Variants in SLC9A9 observed in about 807,000 individuals in gnomAD.
SLC9A9 encodes sodium/hydrogen exchanger 9.
A neutral mutation model predicts 77.8 loss-of-function variants in SLC9A9; 62 were observed. The ratio of observed to expected loss-of-function variants is 0.80; its 90% CI spans 0.65 to 0.98. The LOEUF (loss-of-function observed/expected upper bound fraction) is 0.98, where lower values mean the gene tolerates loss of function less well. Among genes scored for constraint, SLC9A9 ranks in the 50% least tolerant of loss-of-function variants. The pLI is 0.00. For missense variants in SLC9A9, 775 were observed against 774.9 expected, an observed-to-expected ratio of 1.00 and a Z score of 0.00; for synonymous variants, 320 against 283.5, an observed-to-expected ratio of 1.13 and a Z score of -1.29.
intron 12 of SLC9A9, among the ~76,000 whole-genome samples, chr3:143,390,479 G>T (rs1290520215): frequency 2.0e-5 from 3 of 152,202 alleles, no homozygotes; most frequent in African/African-American, 7.2e-5. Context: ...ATTGTTCCAA[G>T]ATGGCCAAAT....
At chr3:143,611,692 CA>C (rs2038024698) in intron 6 of SLC9A9, among the ~76,000 whole-genome samples, 1 of 151,960 alleles carries the variant, frequency 6.6e-6, no homozygotes, top group Non-Finnish European at 1.5e-5. Flanking sequence ...GTCAAGAAAT[CA>C]AGTATAATAA....
At chr3:143,567,015 T>A (rs770421718) in intron 8 of SLC9A9, among the ~76,000 whole-genome samples, 1 of 152,154 alleles carries the variant, frequency 6.6e-6, no homozygotes, top group Admixed American at 6.6e-5. Context: ...GTATTTTCAA[T>A]ATTCATTTAA....
At chr3:143,285,530 CTT>C (rs1343185463) in intron 14 of SLC9A9, among the ~76,000 whole-genome samples, 1 of 152,226 alleles carries the variant, frequency 6.6e-6, no homozygotes, top group Non-Finnish European at 1.5e-5. Flanking sequence ...CATGCCCCCT[CTT>C]TAACTCTGGA....
chr3:143,273,729 G>A (rs866513540), intron 14 of SLC9A9, among the ~76,000 whole-genome samples: 7 of 152,108 alleles, frequency 4.6e-5, no homozygotes, highest in Non-Finnish European at 7.4e-5. Context: ...CATCTAGAAC[G>A]TTTGTTAAAA....
intron 14 of SLC9A9, among the ~76,000 whole-genome samples, chr3:143,286,235 G>T (rs1217444573): frequency 6.6e-6 from 1 of 152,134 alleles, no homozygotes; most frequent in Non-Finnish European, 1.5e-5. Context: ...TTCGAAGGAG[G>T]GTATATGTGT....
At chr3:143,455,758 C>T (rs565094453) in intron 12 of SLC9A9, among the ~76,000 whole-genome samples, 1 of 151,150 alleles carries the variant, frequency 6.6e-6, no homozygotes, top group Non-Finnish European at 1.5e-5. Flanking sequence ...TGAGTACTGA[C>T]CATGTATCCT....
chr3:143,809,134 G>A lies in SLC9A9; in HGVS notation c.379-12231C>T, dbSNP rs114155037. On this transcript the variant is annotated intron_variant, in intron 2 of 15. Coordinates refer to ENST00000316549, the MANE Select transcript of SLC9A9 (RefSeq NM_173653.4). Reference sequence around the variant, plus strand: ...TAGAGATGTATTTCTGAATGCTTGAGGGATGAAGCAGTGCAGCTGTGATCA... The same window carrying A: ...TAGAGATGTATTTCTGAATGCTTGAAGGATGAAGCAGTGCAGCTGTGATCA... Among the ~76,000 whole-genome samples the A allele has an allele frequency of 9.1e-3, 1,388 of 152,252 alleles. 20 individuals carry two copies. The highest frequency in any genetic ancestry group is 0.031 in the African/African-American group (1,303 of 41,526).
At chr3:143,577,752 C>T (rs1319757884) in intron 7 of SLC9A9, among the ~76,000 whole-genome samples, 1 of 152,232 alleles carries the variant, frequency 6.6e-6, no homozygotes, top group African/African-American at 2.4e-5. Flanking sequence ...TTTGCCTTCT[C>T]TTTGCCTGGG....
chr3:143,791,924 G>A (rs116565366), intron 4 of SLC9A9, among the ~76,000 whole-genome samples: 155 of 152,298 alleles, frequency 1.0e-3, no homozygotes, highest in Non-Finnish European at 1.9e-3. Flanking sequence ...AATATTGATT[G>A]ATTTATACAA....
At chr3:143,361,666 A>T (rs887554282) in intron 14 of SLC9A9, among the ~76,000 whole-genome samples, 2 of 152,194 alleles carry the variant, frequency 1.3e-5, no homozygotes, top group African/African-American at 2.4e-5. Context: ...AGGAGGATAA[A>T]TTACCATGAG....
At chr3:143,731,420 A>C (rs1217493897) in intron 4 of SLC9A9, among the ~76,000 whole-genome samples, 1 of 152,118 alleles carries the variant, frequency 6.6e-6, no homozygotes, top group Non-Finnish European at 1.5e-5. Flanking sequence ...AGGGATGGAG[A>C]TAGTGCTTCT....
chr3:143,782,807 C>T (rs1187818521), intron 4 of SLC9A9, among the ~76,000 whole-genome samples: 1 of 152,160 alleles, frequency 6.6e-6, no homozygotes, highest in East Asian at 1.9e-4. Context: ...AGAGGCTAAG[C>T]CTAGCAGGGA....
At chr3:143,800,720 C>T (rs2008528244) in intron 2 of SLC9A9, among the ~76,000 whole-genome samples, 1 of 152,164 alleles carries the variant, frequency 6.6e-6, no homozygotes, top group Non-Finnish European at 1.5e-5. Context: ...TCCACCCCTC[C>T]ACTTCTCACC....
At chr3:143,474,384 A>C (rs148037511) in intron 11 of SLC9A9, among the ~76,000 whole-genome samples, 56 of 151,982 alleles carry the variant, frequency 3.7e-4, no homozygotes, top group African/African-American at 1.3e-3. Context: ...ATGCTTAAAA[A>C]CTCTGACTCT....
At position 143,413,742 on chromosome 3, in the gene SLC9A9, T is replaced by C. The variant is rs191886098; in HGVS notation, c.1470-31628A>G. On this transcript the variant is annotated intron_variant, in intron 12 of 15. Transcript: ENST00000316549. ...TTTCTTGCTGTTGCTCTGGAAGCCA[T>C]ATTGCAGGCACCAAAGTACAGAGAT... Among the ~76,000 whole-genome samples, 30 of 152,144 alleles carry C rather than the reference T, an allele frequency of 2.0e-4. No individual in the cohort carries two copies. The East Asian group carries it at 5.2e-3, about 26-fold the overall frequency.
At chr3:143,463,664 G>T (rs1000521172) in intron 12 of SLC9A9, among the ~76,000 whole-genome samples, 1 of 152,164 alleles carries the variant, frequency 6.6e-6, no homozygotes, top group Non-Finnish European at 1.5e-5. Context: ...CCAAAATAAT[G>T]CTGGAGGAGT....
At chr3:143,658,645 A>C (rs2038932971) in intron 5 of SLC9A9, among the ~76,000 whole-genome samples, 1 of 152,136 alleles carries the variant, frequency 6.6e-6, no homozygotes, top group Non-Finnish European at 1.5e-5. Context: ...TGATAAAAAC[A>C]CTGACAATCC....
At chr3:143,614,817 A>G (rs2038077603) in intron 6 of SLC9A9, among the ~76,000 whole-genome samples, 1 of 152,232 alleles carries the variant, frequency 6.6e-6, no homozygotes, top group Non-Finnish European at 1.5e-5. Context: ...AAGCTTTTCA[A>G]AAGATAGCCA....
intron 1 of SLC9A9, among the ~76,000 whole-genome samples, chr3:143,840,764 C>T (rs2009686538): frequency 6.6e-6 from 1 of 151,912 alleles, no homozygotes; most frequent in African/African-American, 2.4e-5. Context: ...CAAGAGCAGA[C>T]TTGGATGAGA....
Sources: gnomAD v4.1 joint callset for allele counts (sites outside exome capture counted in the v4.1 genomes callset) on GRCh38, gnomAD v4.1.1 for gene constraint, MANE v1.5 for transcripts, NCBI Gene and HGNC (gene_info 2026-07-23, HGNC 2026-07-21) for gene names.